The following SEC63 variants were observed in gnomAD, a reference collection of about 807,000 sequenced individuals.
The protein encoded by SEC63 is translocation protein SEC63 homolog.
Under a neutral mutation model 116.2 loss-of-function variants are expected in SEC63, and 56 were observed. The observed-to-expected ratio is 0.48, with a 90% CI of 0.39 to 0.60. SEC63 has a LOEUF of 0.60. Ranked by LOEUF, SEC63 falls within the 20% of genes least tolerant of loss-of-function variation. The pLI is 0.00. For synonymous variants in SEC63, 273 were observed against 294.6 expected (o/e 0.93, Z 0.75); for missense variants, 668 against 900.0 (o/e 0.74, Z 3.30).
At position 107,946,195 on chromosome 6, in the gene SEC63, A is replaced by G. The variant is rs146811419; in HGVS notation, c.124+11691T>C. ...CATGATCCGCCTACCGTGGCCTCCC[A>G]AAGTGCTGGGATTACAGGCATAAGC... On this transcript the variant is annotated intron_variant, in intron 1 of 20. Transcript: ENST00000369002. Among the ~76,000 whole-genome samples, 182 of 151,034 alleles carry G rather than the reference A, an allele frequency of 1.2e-3. 2 individuals are homozygous for G. The highest frequency in any genetic ancestry group is 4.2e-3 in the African/African-American group (174 of 41,010).
chr6:107,924,489 C>T (rs1465563111), intron 3 of SEC63, among the ~76,000 whole-genome samples: 1 of 151,850 alleles, frequency 6.6e-6, no homozygotes. Context: ...TGGCGTGAAC[C>T]CAGGAGGCGG....
chr6:107,895,449 C>T (rs779362059), intron 14 of SEC63, among the ~76,000 whole-genome samples: 7 of 152,150 alleles, frequency 4.6e-5, no homozygotes, highest in Admixed American at 6.5e-5. Context: ...TGGCTCACAC[C>T]TGTAATCCCA....
chr6:107,946,240 TTTA>T (rs1199471128), intron 1 of SEC63, among the ~76,000 whole-genome samples: 2 of 143,336 alleles, frequency 1.4e-5, no homozygotes, highest in African/African-American at 2.6e-5. Flanking sequence ...TGACCTATTT[TTTA>T]TTTTTTTAGA....
chr6:107,908,184 A>G (rs1037527408), intron 8 of SEC63, among the ~76,000 whole-genome samples: 3 of 152,228 alleles, frequency 2.0e-5, no homozygotes. Flanking sequence ...GACACAATTC[A>G]AAACTTACAT....
At chr6:107,882,432 C>T (rs572059201) in intron 17 of SEC63, among the ~76,000 whole-genome samples, 15 of 152,276 alleles carry the variant, frequency 9.9e-5, no homozygotes, top group South Asian at 2.1e-4. Flanking sequence ...TTCTCCTATA[C>T]GCTATACTTT....
At chr6:107,954,380 T>A (rs1770660867) in intron 1 of SEC63, among the ~76,000 whole-genome samples, 1 of 150,930 alleles carries the variant, frequency 6.6e-6, no homozygotes, top group Admixed American at 6.6e-5. Flanking sequence ...TCTGTTCACT[T>A]GTTTATCTGC....
At position 107,909,047 on chromosome 6, in the gene SEC63, A is replaced by C. The variant is rs1487856901; in HGVS notation, c.625-12T>G. On this transcript the variant is annotated splice_polypyrimidine_tract_variant and intron_variant, in intron 7 of 20. Transcript: ENST00000369002. ...TACCACCAAGAGCCCTAAAACACAAAAAAAATTAAACAAGAAAGAAAGTAT... is the reference window on the plus strand; with the variant it reads ...TACCACCAAGAGCCCTAAAACACAACAAAAATTAAACAAGAAAGAAAGTAT... The C allele has an allele frequency of 1.3e-6, 2 of 1,568,478 alleles. No homozygotes were observed. The highest frequency in any genetic ancestry group is 2.2e-5 in the East Asian group (1 of 44,632).
chr6:107,884,162 C>T (rs1249917132), intron 16 of SEC63, among the ~76,000 whole-genome samples: 2 of 150,436 alleles, frequency 1.3e-5, no homozygotes, highest in Non-Finnish European at 3.0e-5. Context: ...CTCAGCTACT[C>T]GGGAGGCTCA....
chr6:107,881,359 C>T, intron 17 of SEC63, 109 bp from the exon 18 acceptor site: 2 of 735,724 alleles, frequency 2.7e-6, no homozygotes, highest in Non-Finnish European at 4.7e-6. Flanking sequence ...AGGATTAGAA[C>T]AAGTTCAGTC....
chr6:107,874,788 G>A (rs1218313964), intron 19 of SEC63, among the ~76,000 whole-genome samples: 1 of 151,980 alleles, frequency 6.6e-6, no homozygotes, highest in East Asian at 1.9e-4. Context: ...TGATCCTCCT[G>A]CCTCAGCCTC....
At chr6:107,957,733 C>T in intron 1 of SEC63, 153 bp downstream of exon 1, 1 of 699,788 alleles carries the variant, frequency 1.4e-6, no homozygotes. Flanking sequence ...CTGACCCGGG[C>T]CCCGCCAGTG....
At chr6:107,913,958 G>A (rs897376071) in intron 4 of SEC63, among the ~76,000 whole-genome samples, 3 of 152,166 alleles carry the variant, frequency 2.0e-5, no homozygotes, top group Non-Finnish European at 2.9e-5. Context: ...ATTGCTGTGG[G>A]TAAGGTAATT....
chr6:107,909,249 A>C, intron 7 of SEC63: 2 of 441,564 alleles, frequency 4.5e-6, no homozygotes, highest in Non-Finnish European at 4.2e-6. Context: ...ATGGTGGCAC[A>C]TGCCTCTAGT....
intron 1 of SEC63, among the ~76,000 whole-genome samples, chr6:107,934,594 C>A (rs1770151669): frequency 6.7e-6 from 1 of 149,616 alleles, no homozygotes; most frequent in Non-Finnish European, 1.5e-5. Flanking sequence ...GCGTCTCCGC[C>A]CGGCAGCCAC....
intron 4 of SEC63, among the ~76,000 whole-genome samples, chr6:107,919,539 C>G (rs1787497072): frequency 6.6e-6 from 1 of 152,102 alleles, no homozygotes; most frequent in African/African-American, 2.4e-5. Context: ...GAAAGAAGTT[C>G]TGGCTGAGCA....
intron 7 of SEC63, among the ~76,000 whole-genome samples, chr6:107,910,054 TG>T (rs1787240172): frequency 6.6e-6 from 1 of 152,170 alleles, no homozygotes; most frequent in South Asian, 2.1e-4. Context: ...AAAATGAATG[TG>T]TGTACATAAA....
intron 4 of SEC63, among the ~76,000 whole-genome samples, chr6:107,918,696 A>G (rs997021872): frequency 2.0e-5 from 3 of 151,638 alleles, no homozygotes; most frequent in Non-Finnish European, 4.4e-5. Context: ...CATCTCAAAA[A>G]AAAAAAAACA....
chr6:107,907,162 T>C lies in SEC63; in HGVS notation c.734-385A>G, dbSNP rs183170401. Among the ~76,000 whole-genome samples the C allele has an allele frequency of 4.6e-5, 7 of 152,314 alleles. No homozygotes were observed. The East Asian group carries it at 1.3e-3, about 29-fold the overall frequency. ...AGCTGAAAATAATGTAAACAAGAGT[T>C]AAAGGTTTCTTTACTACATGACTTC... On this transcript the variant is annotated intron_variant, in intron 8 of 20. Transcript: ENST00000369002.
intron 1 of SEC63, among the ~76,000 whole-genome samples, chr6:107,953,830 C>G (rs1476423454): frequency 7.0e-6 from 1 of 142,484 alleles, no homozygotes; most frequent in Non-Finnish European, 1.5e-5. Flanking sequence ...GCCGCCCCGT[C>G]CGGGAGGGAG....
Sources: allele counts gnomAD v4.1 joint callset (sites outside exome capture counted in the v4.1 genomes callset), GRCh38; gene constraint gnomAD v4.1.1; transcripts MANE v1.5; gene names NCBI Gene and HGNC (gene_info 2026-07-23, HGNC 2026-07-21).